Variants in PDE4D observed in about 807,000 individuals in gnomAD.
The protein encoded by PDE4D is 3',5'-cyclic-AMP phosphodiesterase 4D.
In PDE4D, 24 loss-of-function variants were observed where a neutral mutation model predicts 87.4. That is an observed-to-expected ratio of 0.27 (90% CI 0.20 to 0.39). The LOEUF (loss-of-function observed/expected upper bound fraction) is 0.39. Ranked by LOEUF, PDE4D falls within the 10% of genes least tolerant of loss-of-function variation. PDE4D has a pLI of 1.00. For synonymous variants in PDE4D, 384 were observed against 383.2 expected, an observed-to-expected ratio of 1.00 and a Z score of -0.02; for missense variants, 714 against 1,041.0, an observed-to-expected ratio of 0.69 and a Z score of 4.32.
chr5:60,128,998 G>A (rs1406752869), intron 2 of PDE4D, among the ~76,000 whole-genome samples: 2 of 152,130 alleles, frequency 1.3e-5, no homozygotes, highest in African/African-American at 4.8e-5. Context: ...AAAGTTCTAT[G>A]TTATTTCTTT....
intron 1 of PDE4D, among the ~76,000 whole-genome samples, chr5:60,239,043 C>T (rs1236493295): frequency 6.6e-6 from 1 of 152,018 alleles, no homozygotes; most frequent in East Asian, 1.9e-4. Context: ...AAATCCTTCC[C>T]TGCCCACTGG....
At chr5:60,288,706 T>G (rs1396493999) in intron 1 of PDE4D, among the ~76,000 whole-genome samples, 1 of 152,232 alleles carries the variant, frequency 6.6e-6, no homozygotes, top group Admixed American at 6.5e-5. Context: ...GCTTTCAGTT[T>G]GAGGTTTCTC....
intron 1 of PDE4D, among the ~76,000 whole-genome samples, chr5:60,198,541 A>G (rs2149538726): frequency 6.6e-6 from 1 of 151,786 alleles, no homozygotes; most frequent in Non-Finnish European, 1.5e-5. Flanking sequence ...ACTGAAACTC[A>G]CATTTCAAGG....
chr5:60,001,978 CA>C (rs1312483064), intron 2 of PDE4D, among the ~76,000 whole-genome samples: 2 of 147,484 alleles, frequency 1.4e-5, no homozygotes, highest in Non-Finnish European at 1.5e-5. Flanking sequence ...ACAGCAACAA[CA>C]AAAAAAAGCA....
At chr5:59,912,552 G>A (rs556729232) in intron 3 of PDE4D, among the ~76,000 whole-genome samples, 1 of 152,298 alleles carries the variant, frequency 6.6e-6, no homozygotes, top group South Asian at 2.1e-4. Flanking sequence ...ACGACAATTA[G>A]ATCAGTTAAT....
At chr5:60,454,915 G>A (rs1447219644) in intron 1 of PDE4D, among the ~76,000 whole-genome samples, 1 of 151,964 alleles carries the variant, frequency 6.6e-6, no homozygotes, top group Non-Finnish European at 1.5e-5. Context: ...GAGAAGGGGT[G>A]GGGGAAGAAA....
intron 1 of PDE4D, among the ~76,000 whole-genome samples, chr5:60,410,109 C>A (rs935580756): frequency 2.0e-5 from 3 of 152,144 alleles, no homozygotes; most frequent in African/African-American, 7.2e-5. Context: ...CTATGGCAAC[C>A]TTTGAGGTAG....
At chr5:59,841,706 A>G (rs1321913470) in intron 1 of PDE4D, among the ~76,000 whole-genome samples, 1 of 152,074 alleles carries the variant, frequency 6.6e-6, no homozygotes, top group Non-Finnish European at 1.5e-5. Flanking sequence ...GAGAAGCCCA[A>G]GTTCCAAAGT....
At chr5:59,886,068 A>G (rs1170562238) in intron 1 of PDE4D, among the ~76,000 whole-genome samples, 1 of 152,238 alleles carries the variant, frequency 6.6e-6, no homozygotes, top group Admixed American at 6.5e-5. Context: ...GCACAAACTA[A>G]AAAGACAAGG....
intron 1 of PDE4D, among the ~76,000 whole-genome samples, chr5:59,800,128 G>A (rs1024582594): frequency 6.6e-6 from 1 of 152,140 alleles, no homozygotes; most frequent in African/African-American, 2.4e-5. Context: ...GAAAAAGAAG[G>A]CTCAAGCCAC....
At chr5:60,107,008 CA>C (rs2149346670) in intron 2 of PDE4D, among the ~76,000 whole-genome samples, 1 of 152,032 alleles carries the variant, frequency 6.6e-6, no homozygotes, top group East Asian at 1.9e-4. Flanking sequence ...TAACTAAAAT[CA>C]GAGGAGAACT....
At chr5:60,108,274 A>G (rs1259534920) in intron 2 of PDE4D, among the ~76,000 whole-genome samples, 1 of 151,778 alleles carries the variant, frequency 6.6e-6, no homozygotes, top group Non-Finnish European at 1.5e-5. Flanking sequence ...TTCAAAGAGA[A>G]TAAAATACCT....
At chr5:60,126,774 C>T (rs1779156386) in intron 2 of PDE4D, among the ~76,000 whole-genome samples, 1 of 152,106 alleles carries the variant, frequency 6.6e-6, no homozygotes. Context: ...GATTAAAAAA[C>T]GAGGAGCTGC....
In PDE4D at chr5:59,816,250, A is replaced by G. The variant is rs140500416; in HGVS notation, c.455+76918T>C. Reference sequence around the variant, plus strand: ...TTACATTCAGGTGGACTCCTTAATAACCTGTAAGTTATAGGAATTACTAGA... The same window carrying G: ...TTACATTCAGGTGGACTCCTTAATAGCCTGTAAGTTATAGGAATTACTAGA... On this transcript the variant is annotated intron_variant, in intron 1 of 14. Coordinates refer to ENST00000340635, the MANE Select transcript of PDE4D (RefSeq NM_001104631.2). 3.9e-5 allele frequency among the ~76,000 whole-genome samples: 6 copies of G among 152,308 alleles called. 1 individual carries two copies. The highest frequency in any genetic ancestry group is 1.4e-4 in the African/African-American group (6 of 41,548).
chr5:60,291,837 A>C (rs1182961418), intron 1 of PDE4D, among the ~76,000 whole-genome samples: 3 of 152,216 alleles, frequency 2.0e-5, no homozygotes, highest in African/African-American at 7.2e-5. Context: ...CTAAGTAAAT[A>C]ATCCAAAATG....
intron 1 of PDE4D, chr5:59,768,753 C>CGCATA: frequency 1.1e-6 from 1 of 895,720 alleles, no homozygotes; most frequent in South Asian, 1.9e-5. Flanking sequence ...CTGACAAGCT[C>CGCATA]GCATAGCAAA....
chr5:59,429,459 G>A (rs900523997), intron 1 of PDE4D, among the ~76,000 whole-genome samples: 2 of 152,078 alleles, frequency 1.3e-5, no homozygotes, highest in Non-Finnish European at 2.9e-5. Context: ...GTGAAATCTG[G>A]CAAAATGCAT....
chr5:60,052,515 A>T (rs1270935269), intron 2 of PDE4D, among the ~76,000 whole-genome samples: 1 of 152,156 alleles, frequency 6.6e-6, no homozygotes, highest in East Asian at 1.9e-4. Context: ...CTCTCAATAC[A>T]CTAGGTATTG....
chr5:59,813,838 T>G (rs1304598040), intron 1 of PDE4D, among the ~76,000 whole-genome samples: 1 of 152,202 alleles, frequency 6.6e-6, no homozygotes, highest in Non-Finnish European at 1.5e-5. Context: ...CTATTTATGA[T>G]TGCAACCATC....
Sources: gnomAD v4.1 joint callset for allele counts (sites outside exome capture counted in the v4.1 genomes callset) on GRCh38, gnomAD v4.1.1 for gene constraint, MANE v1.5 for transcripts, NCBI Gene and HGNC (gene_info 2026-07-23, HGNC 2026-07-21) for gene names.